BUB1B: variants seen among roughly 807,000 people sequenced by gnomAD.
BUB1B encodes the protein BUB1 mitotic checkpoint serine/threonine kinase B, also known as mitotic checkpoint serine/threonine-protein kinase BUB1 beta.
A neutral mutation model predicts 137.7 loss-of-function variants in BUB1B; 86 were observed. The observed-to-expected ratio is 0.62, with a 90% confidence interval of 0.52 to 0.75. The LOEUF (loss-of-function observed/expected upper bound fraction) is 0.75. BUB1B is among the 30% of genes least tolerant of loss of function. BUB1B has a pLI of 0.00. For synonymous variants in BUB1B, 420 were observed against 417.9 expected (o/e 1.00, Z -0.06); for missense variants, 1,130 against 1,236.9 (o/e 0.91, Z 1.30).
chr15:40,190,802 A>G (rs1051776510), intron 8 of BUB1B, among the ~76,000 whole-genome samples: 1 of 152,128 alleles, frequency 6.6e-6, no homozygotes, highest in Non-Finnish European at 1.5e-5. Context: ...TAATATGTGG[A>G]TGCTGAACAA....
intron 15 of BUB1B, 93 bp from the exon 16 acceptor site, chr15:40,208,544 A>T: frequency 7.4e-7 from 1 of 1,349,394 alleles, no homozygotes; most frequent in Non-Finnish European, 1.0e-6. Context: ...ATCTCAAAAA[A>T]AAGAAAAATG....
intron 21 of BUB1B, 33 bp downstream of exon 21, chr15:40,217,700 G>A (rs1384196492): frequency 1.2e-6 from 2 of 1,612,290 alleles, no homozygotes; most frequent in East Asian, 2.2e-5. Context: ...CAAATATGGA[G>A]AGGGTTTCTT....
chr15:40,183,742 ACT>A lies in BUB1B; in HGVS notation c.613_614del (p.Leu205ValfsTer4). The A allele has an allele frequency of 6.2e-7, 1 of 1,614,114 alleles. No homozygotes were observed. Among genetic ancestry groups the A allele is most frequent in the Non-Finnish European group, 8.5e-7 (1 of 1,179,990 alleles). ...RQFQARVSRQ[T>X]LLALEKEEEE... is the part of the protein sequence containing the mutation. ...ATTCCAAGCTCGAGTGTCTCGGCAA[ACT>A]CTGTTGGCACTTGAGAAAGAAGAAG... On this transcript the variant is annotated frameshift_variant, in exon 6 of 23. Coordinates refer to ENST00000287598, the MANE Select transcript of BUB1B (RefSeq NM_001211.6). LOFTEE classifies it high-confidence loss of function.
intron 15 of BUB1B, among the ~76,000 whole-genome samples, chr15:40,207,556 AG>A (rs2037652785): frequency 6.6e-6 from 1 of 152,192 alleles, no homozygotes; most frequent in African/African-American, 2.4e-5. Flanking sequence ...AAGAAAAAAA[AG>A]TCCAGAGAAA....
At chr15:40,190,241 G>T (rs757098731) in intron 8 of BUB1B, among the ~76,000 whole-genome samples, 1 of 152,134 alleles carries the variant, frequency 6.6e-6, no homozygotes, top group Admixed American at 6.5e-5. Flanking sequence ...ACTGATAGAA[G>T]ATTCATTCTT....
chr15:40,186,341 A>C lies in BUB1B; in HGVS notation c.1058+699A>C, dbSNP rs1343011073. Among the ~76,000 whole-genome samples, 3 of 149,356 alleles carry C rather than the reference A, an allele frequency of 2.0e-5. No homozygotes were observed. In the Admixed American group the frequency reaches 2.0e-4, roughly 10 times the overall value. The stretch of plus-strand genomic sequence containing the variant: ...TTCCTCTTTCTTCCTAATCCTTAGC[A>C]TTTCTGTTTTTAAGAAAAAGTATAG... On this transcript the variant is annotated intron_variant, in intron 8 of 22. Coordinates refer to ENST00000287598, the MANE Select transcript of BUB1B (RefSeq NM_001211.6).
intron 7 of BUB1B, 39 bp from the exon 8 acceptor site, chr15:40,185,512 T>G: frequency 6.2e-7 from 1 of 1,600,792 alleles, no homozygotes; most frequent in Non-Finnish European, 8.6e-7. Flanking sequence ...TCTGAGAACA[T>G]AAAACTATGG....
intron 11 of BUB1B, among the ~76,000 whole-genome samples, chr15:40,200,560 A>G (rs780814048): frequency 5.3e-5 from 8 of 152,210 alleles, no homozygotes; most frequent in Non-Finnish European, 8.8e-5. Flanking sequence ...CATGTTTCTT[A>G]TAGAAACAAA....
At position 40,200,991 on chromosome 15, in the gene BUB1B, T is replaced by G; in HGVS notation, c.1567+11T>G. 6.2e-7 allele frequency: 1 copy of G among 1,611,862 alleles called. No homozygotes were observed. Among genetic ancestry groups the G allele is most frequent in the South Asian group, 1.1e-5 (1 of 90,914 alleles). ...AACCTCATTCTAAAGGTGAGTTGTA[T>G]TTGACAGCCTTGAGAAGAACTTGCT... On this transcript the variant is annotated intron_variant, in intron 12 of 22. Coordinates refer to ENST00000287598, the MANE Select transcript of BUB1B (RefSeq NM_001211.6).
intron 10 of BUB1B, 165 bp from the exon 11 acceptor site, chr15:40,200,079 G>C: frequency 1.5e-6 from 1 of 678,888 alleles, no homozygotes; most frequent in Non-Finnish European, 2.7e-6. Context: ...AACAGTACTG[G>C]TTTAGAGTAG....
At chr15:40,174,010 G>T in intron 4 of BUB1B, 1 of 405,154 alleles carries the variant, frequency 2.5e-6, no homozygotes, top group Non-Finnish European at 4.7e-6. Context: ...GCAATTTAAG[G>T]GTTACCAAAA....
Position 40,202,673 on chromosome 15 carries a change from A to C in BUB1B, c.1713A>C (p.Glu571Asp), listed in dbSNP as rs1386393551. The C allele has an allele frequency of 1.2e-6, 2 of 1,613,626 alleles. No homozygotes were observed. Among genetic ancestry groups the C allele is most frequent in the African/African-American group, 1.3e-5 (1 of 75,032 alleles). The part of the protein sequence containing the change: ...LKTSESITSN[E>D]DVSPDVCDEF... ...CCTCAGAAAGCATCACCTCAAATGAAGATGTGTCTCCAGATGTTTGTGTAA... is the reference window on the plus strand; with the variant it reads ...CCTCAGAAAGCATCACCTCAAATGACGATGTGTCTCCAGATGTTTGTGTAA... Residue 571 changes from glutamate to aspartate, a missense_variant, in exon 14 of 23, where the codon GAA becomes GAC. Transcript: ENST00000287598.
At chr15:40,210,277 C>T in intron 18 of BUB1B, 67 bp downstream of exon 18, 1 of 1,147,284 alleles carries the variant, frequency 8.7e-7, no homozygotes, top group Non-Finnish European at 1.3e-6. Flanking sequence ...TAACTGTCCT[C>T]ATGTTACCAT....
chr15:40,192,520 C>A (rs1178653650), intron 8 of BUB1B, among the ~76,000 whole-genome samples: 1 of 152,110 alleles, frequency 6.6e-6, no homozygotes, highest in Non-Finnish European at 1.5e-5. Flanking sequence ...GTTTCATTGT[C>A]CCAGAAATCC....
chr15:40,182,102 G>A (rs1434609316), intron 5 of BUB1B, among the ~76,000 whole-genome samples: 2 of 152,216 alleles, frequency 1.3e-5, no homozygotes, highest in Non-Finnish European at 2.9e-5. Context: ...TACTCGGGAG[G>A]CTGAAGCAGG....
At chr15:40,169,661 T>A (rs1253253009) in intron 2 of BUB1B, among the ~76,000 whole-genome samples, 1 of 147,508 alleles carries the variant, frequency 6.8e-6, no homozygotes, top group Non-Finnish European at 1.5e-5. Flanking sequence ...TTGCCCAGGC[T>A]GGAGTGCAGT....
At chr15:40,178,432 G>A (rs749430962) in intron 5 of BUB1B, among the ~76,000 whole-genome samples, 17 of 152,100 alleles carry the variant, frequency 1.1e-4, no homozygotes, top group Non-Finnish European at 1.9e-4. Flanking sequence ...AGAACATAAG[G>A]TATATGGTTT....
chr15:40,213,391 C>T lies in BUB1B; in HGVS notation c.2595C>T (p.Asn865=), dbSNP rs2037738180. 3 of 1,613,684 alleles carry T rather than the reference C, an allele frequency of 1.9e-6. No homozygotes were observed. Among genetic ancestry groups the T allele is most frequent in the Non-Finnish European group, 2.5e-6 (3 of 1,179,730 alleles). The change falls in exon 20 of 23, where the codon AAC becomes AAT. Residue 865 remains asparagine, a synonymous_variant. Coordinates refer to ENST00000287598, the MANE Select transcript of BUB1B (RefSeq NM_001211.6). ...AAATAACAGTGTTGATTATTTATAA[C>T]CTTTTGACAATAGTGGAGATGCTAC... ...THEITVLIIY[N]LLTIVEMLHK...
chr15:40,205,034 C>T (rs1451408447), intron 14 of BUB1B, among the ~76,000 whole-genome samples: 1 of 151,402 alleles, frequency 6.6e-6, no homozygotes, highest in African/African-American at 2.4e-5. Context: ...GCAGCCTCCG[C>T]CTCCTGGGTT....
Sources: allele counts gnomAD v4.1 joint callset (sites outside exome capture counted in the v4.1 genomes callset), GRCh38; gene constraint gnomAD v4.1.1; transcripts MANE v1.5; gene names NCBI Gene and HGNC (gene_info 2026-07-23, HGNC 2026-07-21).